RABGAP1L: variants seen among roughly 807,000 people sequenced by gnomAD.
RABGAP1L encodes the protein RAB GTPase activating protein 1 like, also known as rab GTPase-activating protein 1-like.
RABGAP1L carries 63 observed loss-of-function variants against 137.7 expected under a neutral mutation model. That is an observed-to-expected ratio of 0.46 (90% CI 0.37 to 0.56). RABGAP1L has a LOEUF of 0.56. RABGAP1L is among the 20% of genes least tolerant of loss of function. The probability of loss-of-function intolerance (pLI) is 0.00; values close to 1 mark genes in which losing one functional copy is unlikely to be tolerated. For missense variants in RABGAP1L, 1,095 were observed against 1,244.0 expected (o/e 0.88, Z 1.80); for synonymous variants, 431 against 433.7 (o/e 0.99, Z 0.08).
chr1:174,560,975 A>G lies in RABGAP1L; in HGVS notation c.1711-76400A>G, dbSNP rs545662879. Among the ~76,000 whole-genome samples the G allele has an allele frequency of 6.6e-5, 10 of 152,344 alleles. No individual in the cohort carries two copies. The South Asian group carries it at 2.1e-3, about 32-fold the overall frequency. Reference sequence around the variant, plus strand: ...GTAATGCAATTAGTCTTATTTTGCCACAGTGGAGTTACTTATGTGTGTAAA... The same window carrying G: ...GTAATGCAATTAGTCTTATTTTGCCGCAGTGGAGTTACTTATGTGTGTAAA... On this transcript the variant is annotated intron_variant, in intron 13 of 25. Coordinates refer to ENST00000681986, the MANE Select transcript of RABGAP1L (RefSeq NM_001366446.1).
chr1:174,537,207 T>C (rs1031761693), intron 13 of RABGAP1L, among the ~76,000 whole-genome samples: 3 of 152,192 alleles, frequency 2.0e-5, no homozygotes, highest in Non-Finnish European at 2.9e-5. Flanking sequence ...TATAAACTTA[T>C]ATGTGGGTGG....
chr1:174,659,508 T>G (rs1676215435), intron 14 of RABGAP1L, among the ~76,000 whole-genome samples: 2 of 152,250 alleles, frequency 1.3e-5, no homozygotes, highest in Non-Finnish European at 2.9e-5. Context: ...ACTACTTTTT[T>G]TCTTGCAGTC....
At chr1:174,174,215 C>T (rs1168263828) in intron 1 of RABGAP1L, among the ~76,000 whole-genome samples, 1 of 151,634 alleles carries the variant, frequency 6.6e-6, no homozygotes, top group African/African-American at 2.4e-5. Context: ...CACACACACA[C>T]ACACACACAC....
Position 174,598,841 on chromosome 1 carries a change from T to A in RABGAP1L, c.1711-38534T>A, listed in dbSNP as rs567587151. On this transcript the variant is annotated intron_variant, in intron 13 of 25. Coordinates refer to ENST00000681986, the MANE Select transcript of RABGAP1L (RefSeq NM_001366446.1). Reference sequence around the variant, plus strand: ...CCAAAAGATCATTGGGTCTTTTTTTTATTTTTTTAATCCATTCAGCCACTC... The same window carrying A: ...CCAAAAGATCATTGGGTCTTTTTTTAATTTTTTTAATCCATTCAGCCACTC... 1.8e-4 allele frequency among the ~76,000 whole-genome samples: 28 copies of A among 152,312 alleles called. No homozygotes were observed. The South Asian group carries it at 3.1e-3, about 17-fold the overall frequency.
chr1:174,345,431 C>G (rs987095257), intron 11 of RABGAP1L, among the ~76,000 whole-genome samples: 3 of 151,994 alleles, frequency 2.0e-5, no homozygotes, highest in African/African-American at 7.2e-5. Flanking sequence ...CGTGGAATAT[C>G]TTTTTATTTT....
chr1:174,493,111 G>T (rs898760267), intron 13 of RABGAP1L, among the ~76,000 whole-genome samples: 1 of 149,320 alleles, frequency 6.7e-6, no homozygotes, highest in Non-Finnish European at 1.5e-5. Flanking sequence ...CTGTAATCTC[G>T]CACTTTGGAG....
chr1:174,716,661 T>C (rs1034866972), intron 17 of RABGAP1L, among the ~76,000 whole-genome samples: 1 of 152,216 alleles, frequency 6.6e-6, no homozygotes, highest in African/African-American at 2.4e-5. Context: ...TTTCTTTCGA[T>C]ACCTTTGGTA....
At chr1:174,799,199 A>C (rs1007492495) in intron 18 of RABGAP1L, among the ~76,000 whole-genome samples, 1 of 152,174 alleles carries the variant, frequency 6.6e-6, no homozygotes, top group African/African-American at 2.4e-5. Context: ...TTGTTTACAA[A>C]AATCTTCCTT....
At chr1:174,435,997 A>G (rs893749680) in intron 13 of RABGAP1L, among the ~76,000 whole-genome samples, 23 of 152,232 alleles carry the variant, frequency 1.5e-4, no homozygotes, top group Non-Finnish European at 3.4e-4. Context: ...ATCATTTTTT[A>G]TGGCTGCATA....
intron 19 of RABGAP1L, among the ~76,000 whole-genome samples, chr1:174,916,856 C>T (rs1224338754): frequency 1.3e-5 from 2 of 152,200 alleles, no homozygotes; most frequent in Non-Finnish European, 2.9e-5. Flanking sequence ...ACTTACATTA[C>T]TAAATAACAA....
intron 12 of RABGAP1L, among the ~76,000 whole-genome samples, chr1:174,387,929 A>T (rs568114078): frequency 2.0e-5 from 3 of 152,208 alleles, no homozygotes; most frequent in South Asian, 4.1e-4. Context: ...TCATGATATG[A>T]AAAGGGTAAC....
At chr1:174,707,409 T>C (rs1680136665) in intron 17 of RABGAP1L, among the ~76,000 whole-genome samples, 2 of 152,156 alleles carry the variant, frequency 1.3e-5, no homozygotes, top group South Asian at 4.1e-4. Context: ...TTTAGTGCTT[T>C]TATGAGAGAA....
intron 18 of RABGAP1L, among the ~76,000 whole-genome samples, chr1:174,797,259 G>A (rs988973139): frequency 6.6e-6 from 1 of 151,912 alleles, no homozygotes; most frequent in Non-Finnish European, 1.5e-5. Flanking sequence ...AAGTCAACTA[G>A]AAAAAAATCC....
intron 17 of RABGAP1L, among the ~76,000 whole-genome samples, chr1:174,712,310 C>G (rs1680606597): frequency 6.6e-6 from 1 of 152,186 alleles, no homozygotes; most frequent in African/African-American, 2.4e-5. Context: ...GTCTTTGGGT[C>G]CGCACTGCCT....
At chr1:174,386,056 T>C (rs926594978) in intron 12 of RABGAP1L, among the ~76,000 whole-genome samples, 22 of 152,278 alleles carry the variant, frequency 1.4e-4, no homozygotes, top group African/African-American at 5.3e-4. Context: ...AATTGTAGGA[T>C]AATTTGATGA....
At chr1:174,549,908 T>C (rs1426886804) in intron 13 of RABGAP1L, among the ~76,000 whole-genome samples, 1 of 152,166 alleles carries the variant, frequency 6.6e-6, no homozygotes, top group Non-Finnish European at 1.5e-5. Context: ...TGGCATTCCC[T>C]GTAGATCCAG....
At chr1:174,624,883 T>C (rs1231189165) in intron 13 of RABGAP1L, among the ~76,000 whole-genome samples, 1 of 151,352 alleles carries the variant, frequency 6.6e-6, no homozygotes, top group Non-Finnish European at 1.5e-5. Context: ...CTTTTTTTTT[T>C]TTTTTTGGAT....
intron 19 of RABGAP1L, among the ~76,000 whole-genome samples, chr1:174,873,886 G>C (rs1488854933): frequency 2.0e-5 from 3 of 152,298 alleles, no homozygotes; most frequent in African/African-American, 7.2e-5. Context: ...CTACTTTGCT[G>C]CATTGGAGAG....
chr1:174,658,635 A>G (rs557900241), intron 14 of RABGAP1L, among the ~76,000 whole-genome samples: 25 of 152,068 alleles, frequency 1.6e-4, no homozygotes, highest in African/African-American at 6.0e-4. Flanking sequence ...TTATCTTGTC[A>G]TACATTGATT....
Sources: allele counts gnomAD v4.1 joint callset (sites outside exome capture counted in the v4.1 genomes callset), GRCh38; gene constraint gnomAD v4.1.1; transcripts MANE v1.5; gene names NCBI Gene and HGNC (gene_info 2026-07-23, HGNC 2026-07-21).